The following OFD1 variants were observed in gnomAD, a reference collection of about 807,000 sequenced individuals.
OFD1 encodes centriole and centriolar satellite protein OFD1.
Under a neutral mutation model 81.4 loss-of-function variants are expected in OFD1, and 12 were observed. The ratio of observed to expected loss-of-function variants is 0.15; its 90% CI spans 0.09 to 0.24. The LOEUF (loss-of-function observed/expected upper bound fraction) is 0.24. Ranked by LOEUF, OFD1 falls within the 10% of genes least tolerant of loss-of-function variation. The pLI is 1.00. For synonymous variants in OFD1, 256 were observed against 263.7 expected (o/e 0.97, Z 0.28); for missense variants, 685 against 733.9 (o/e 0.93, Z 0.77).
intron 6 of OFD1, among the ~76,000 whole-genome samples, chrX:13,746,045 A>C (rs889046151): frequency 8.9e-6 from 1 of 112,348 alleles, no homozygotes; most frequent in Non-Finnish European, 1.9e-5. Flanking sequence ...TTCATGATGA[A>C]CATTTTCAAA....
chrX:13,752,993 A>G, intron 10 of OFD1: 1 of 897,637 alleles, frequency 1.1e-6, no homozygotes, highest in Non-Finnish European at 1.4e-6. Context: ...GGTGGATTGG[A>G]AGTGACCGTC....
intron 5 of OFD1, among the ~76,000 whole-genome samples, chrX:13,743,542 T>A (rs1473356241): frequency 8.9e-6 from 1 of 112,387 alleles, no homozygotes; most frequent in African/African-American, 3.2e-5. Context: ...ACTGACAAAT[T>A]TCTCTTCCAA....
At chrX:13,741,731 C>G (rs745755843) in intron 5 of OFD1, among the ~76,000 whole-genome samples, 1 of 111,635 alleles carries the variant, frequency 9.0e-6, no homozygotes, top group East Asian at 2.8e-4. Context: ...TGGAAAGTTA[C>G]AGTTAAAGGT....
At chrX:13,752,647 G>T in intron 10 of OFD1, 2 of 931,873 alleles carry the variant, frequency 2.1e-6, no homozygotes, top group Non-Finnish European at 2.8e-6. Flanking sequence ...ATTAAAGTAT[G>T]TGTGTTAATT....
Position 13,744,530 on chromosome X carries a change from C to G in OFD1, c.517+11C>G. On this transcript the variant is annotated intron_variant, in intron 6 of 22. Transcript: ENST00000340096. ...ACAGAGATTCTCTGGGTAATTATAGCCTTCTTTCTTAATTTCAGTTCTGCT... is the reference window on the plus strand; with the variant it reads ...ACAGAGATTCTCTGGGTAATTATAGGCTTCTTTCTTAATTTCAGTTCTGCT... 2 of 985,412 alleles carry G rather than the reference C, an allele frequency of 2.0e-6. No homozygotes were observed. The highest frequency in any genetic ancestry group is 2.9e-6 in the Non-Finnish European group (2 of 689,998). The allele number at this position is 985,412 out of a possible 1,213,427, so 81.2% of individuals were successfully genotyped here.
At chrX:13,760,865 G>A (rs1028153151) in intron 16 of OFD1, 145 bp downstream of exon 16, 6 of 864,505 alleles carry the variant, frequency 6.9e-6, no homozygotes, top group Non-Finnish European at 9.9e-6. Context: ...AGTGATAGTT[G>A]CCTTGCCTTT....
At chrX:13,739,205 C>T in intron 5 of OFD1, 173 bp downstream of exon 5, 1 of 363,267 alleles carries the variant, frequency 2.8e-6, no homozygotes, top group African/African-American at 2.9e-5. Context: ...TTTAGATATT[C>T]AATTAAAAAA....
chrX:13,757,893 T>G, intron 14 of OFD1, 103 bp downstream of exon 14: 1 of 947,510 alleles, frequency 1.1e-6, no homozygotes, highest in Non-Finnish European at 1.5e-6. Context: ...TATTTTAACA[T>G]CAAACATTAC....
At chrX:13,719,060 T>TA in the OFD1 span, among the ~76,000 whole-genome samples, 1 of 110,909 alleles carries the variant, frequency 9.0e-6, no homozygotes, top group East Asian at 2.8e-4. Context: ...GGGAGGCTAA[T>TA]ACAGGAGAAT....
chrX:13,759,393 T>TC (rs1462246522), intron 15 of OFD1, among the ~76,000 whole-genome samples: 2 of 112,567 alleles, frequency 1.8e-5, no homozygotes, highest in East Asian at 5.5e-4. Flanking sequence ...ATAGAACTCT[T>TC]TCGCATGCAT....
chrX:13,734,818 T>C lies in OFD1; in HGVS notation c.-254T>C, dbSNP rs1343790995. The C allele has an allele frequency of 4.6e-6, 5 of 1,075,884 alleles. No individual in the cohort carries two copies. The African/African-American group carries it at 9.4e-5, about 20-fold the overall frequency. 88.7% of individuals were successfully genotyped at this position (1,075,884 alleles called of 1,213,427 possible). On this transcript the variant is annotated 5_prime_UTR_variant, in exon 1 of 23. Transcript: ENST00000340096. ...TCTGGGTCCCCGCCCTCCAGCCGCC[T>C]TTGAGTCGTGCCTGGGTCCTCGCCC...
In OFD1 at chrX:13,745,359, A is replaced by G. The variant is rs768581779; in HGVS notation, c.517+840A>G. 8.5e-4 allele frequency among the ~76,000 whole-genome samples: 96 copies of G among 112,572 alleles called. 4 individuals are homozygous for G. The highest frequency in any genetic ancestry group is 1.9e-4 in the Non-Finnish European group (10 of 53,342). On this transcript the variant is annotated intron_variant, in intron 6 of 22. Coordinates refer to ENST00000340096, the MANE Select transcript of OFD1 (RefSeq NM_003611.3). The stretch of plus-strand genomic sequence containing the variant: ...TTGTTTTAATAATATATTTAACCCA[A>G]TACATGCAAAATATTATTTCAGCAT...
Position 13,734,895 on chromosome X carries a change from G to A in OFD1, c.-177G>A. ...GCTCGCGTGTTTGCTAGAAAACCTA[G>A]TTGGGAGTGCGAGGCAGAGAACGTT... On this transcript the variant is annotated 5_prime_UTR_variant, in exon 1 of 23. Transcript: ENST00000340096. 1.1e-5 allele frequency: 12 copies of A among 1,089,942 alleles called. No individual in the cohort carries two copies. Among genetic ancestry groups the A allele is most frequent in the Non-Finnish European group, 1.4e-5 (12 of 843,274 alleles). The allele number at this position is 1,089,942 out of a possible 1,213,427, so 89.8% of individuals were successfully genotyped here.
At chrX:13,721,019 C>T in the OFD1 span, 2 of 75,500 alleles carry the variant, frequency 2.6e-5, no homozygotes, top group African/African-American at 5.3e-5. Flanking sequence ...AAAATGAGAC[C>T]CTGTCTCAAA....
At chrX:13,762,708 A>AT (rs1213829899) in intron 18 of OFD1, among the ~76,000 whole-genome samples, 5 of 112,617 alleles carry the variant, frequency 4.4e-5, no homozygotes, top group Non-Finnish European at 7.5e-5. Flanking sequence ...AACTTATCAG[A>AT]TTTTAAATAA....
intron 3 of OFD1, among the ~76,000 whole-genome samples, chrX:13,737,496 C>G (rs1481538432): frequency 4.6e-5 from 5 of 109,338 alleles, no homozygotes; most frequent in African/African-American, 1.3e-4. Context: ...ATAGCCTCCC[C>G]CACTGTCAAC....
intron 5 of OFD1, 86 bp downstream of exon 5, chrX:13,739,118 A>C: frequency 2.6e-6 from 2 of 767,831 alleles, no homozygotes; most frequent in Non-Finnish European, 3.9e-6. Flanking sequence ...TTTAGGGAGA[A>C]GAGTAAAATT....
At chrX:13,716,166 A>G in the OFD1 span, 1 of 1,012,292 alleles carries the variant, frequency 9.9e-7, no homozygotes, top group African/African-American at 1.9e-5. Flanking sequence ...GTATTCTTCA[A>G]ATTAGTCACA....
At chrX:13,734,411 G>T (rs769771517), upstream of OFD1, 27 of 267,274 alleles carry the variant, frequency 1.0e-4, no homozygotes, top group Non-Finnish European at 1.5e-4. Flanking sequence ...GTCCGGCCCG[G>T]CCACCCCGGG....
Sources: allele counts gnomAD v4.1 joint callset (sites outside exome capture counted in the v4.1 genomes callset), GRCh38; gene constraint gnomAD v4.1.1; transcripts MANE v1.5; gene names NCBI Gene and HGNC (gene_info 2026-07-23, HGNC 2026-07-21).